Variants in SLC37A3 observed in about 807,000 individuals in gnomAD.
SLC37A3 encodes sugar phosphate exchanger 3.
In SLC37A3, 51 loss-of-function variants were observed where a neutral mutation model predicts 67.1. That is an observed-to-expected ratio of 0.76 (90% CI 0.61 to 0.96). The LOEUF (loss-of-function observed/expected upper bound fraction) is 0.96, where lower values mean the gene tolerates loss of function less well. Among genes scored for constraint, SLC37A3 ranks in the 40% least tolerant of loss-of-function variants. The pLI, the probability that SLC37A3 is intolerant of heterozygous loss-of-function variation, is 0.00. For missense variants in SLC37A3, 508 were observed against 603.0 expected (o/e 0.84, Z 1.65); for synonymous variants, 214 against 231.4 (o/e 0.92, Z 0.68).
At chr7:140,339,264 G>GT (rs748009768) in intron 13 of SLC37A3, among the ~76,000 whole-genome samples, 52,342 of 130,708 alleles carry the variant, frequency 0.4, 10,927 homozygotes, top group Middle Eastern at 0.55. Context: ...TCCCAGTTTT[G>GT]TTTTTTTTTT....
intron 5 of SLC37A3, among the ~76,000 whole-genome samples, chr7:140,362,183 G>C (rs1229814212): frequency 2.1e-5 from 3 of 140,178 alleles, no homozygotes; most frequent in African/African-American, 7.9e-5. Flanking sequence ...TGAGATGTGG[G>C]GAGCGCCTCT....
At chr7:140,356,503 G>A (rs1361013735) in intron 6 of SLC37A3, among the ~76,000 whole-genome samples, 3 of 152,018 alleles carry the variant, frequency 2.0e-5, no homozygotes, top group East Asian at 1.9e-4. Flanking sequence ...CCAACACGGC[G>A]AAACCCCGTC....
intron 4 of SLC37A3, among the ~76,000 whole-genome samples, chr7:140,364,910 G>T (rs1460419297): frequency 6.6e-6 from 1 of 152,144 alleles, no homozygotes; most frequent in Admixed American, 6.5e-5. Context: ...CTACCCATCA[G>T]TGATAAGCTA....
intron 2 of SLC37A3, among the ~76,000 whole-genome samples, chr7:140,380,717 C>T (rs1056212748): frequency 2.0e-5 from 3 of 151,848 alleles, no homozygotes; most frequent in African/African-American, 7.3e-5. Flanking sequence ...CACCTGTCAT[C>T]TTAGCTACTT....
At chr7:140,390,022 A>G (rs1798663556) in intron 1 of SLC37A3, among the ~76,000 whole-genome samples, 1 of 152,128 alleles carries the variant, frequency 6.6e-6, no homozygotes, top group South Asian at 2.1e-4. Flanking sequence ...CCAGGCCTTC[A>G]AGGCTACAGT....
intron 5 of SLC37A3, among the ~76,000 whole-genome samples, chr7:140,361,935 C>T (rs896447333): frequency 1.4e-5 from 2 of 145,882 alleles, no homozygotes; most frequent in Non-Finnish European, 3.0e-5. Context: ...CTTGGCCCCC[C>T]AAAGTGCCGA....
At chr7:140,376,248 C>G (rs1031378910) in intron 3 of SLC37A3, among the ~76,000 whole-genome samples, 1 of 152,102 alleles carries the variant, frequency 6.6e-6, no homozygotes, top group African/African-American at 2.4e-5. Flanking sequence ...GTAGGACTAA[C>G]AAACAGATTC....
At chr7:140,336,309 C>A (rs76966065) in intron 14 of SLC37A3, among the ~76,000 whole-genome samples, 3,753 of 152,284 alleles carry the variant, frequency 0.025, 65 homozygotes, top group Non-Finnish European at 0.032. Context: ...AATCAGGAGG[C>A]TGAGGTGGGA....
intron 7 of SLC37A3, 52 bp downstream of exon 7, chr7:140,355,616 A>C (rs1796991519): frequency 4.8e-6 from 7 of 1,451,088 alleles, no homozygotes; most frequent in Non-Finnish European, 6.8e-6. Flanking sequence ...AGCAATACAC[A>C]TGTGCACACA....
intron 7 of SLC37A3, among the ~76,000 whole-genome samples, chr7:140,352,635 A>G (rs534340847): frequency 6.6e-6 from 1 of 152,332 alleles, no homozygotes; most frequent in Non-Finnish European, 1.5e-5. Context: ...TTGAAGCAGT[A>G]AGACAATGTC....
At chr7:140,360,026 T>C (rs1026174749) in intron 5 of SLC37A3, among the ~76,000 whole-genome samples, 5 of 152,218 alleles carry the variant, frequency 3.3e-5, no homozygotes, top group Non-Finnish European at 5.9e-5. Flanking sequence ...AAAAAGGTTT[T>C]ACTTACACTC....
chr7:140,355,797 A>G (rs955524326), intron 6 of SLC37A3, 33 bp from the exon 7 acceptor site: 3 of 1,583,728 alleles, frequency 1.9e-6, no homozygotes, highest in Non-Finnish European at 2.6e-6. Flanking sequence ...ACAAAGGGCC[A>G]TGGTCAGAAG....
At chr7:140,345,999 T>G (rs779326747) in intron 10 of SLC37A3, 29 bp from the exon 11 acceptor site, 6 of 1,553,604 alleles carry the variant, frequency 3.9e-6, no homozygotes, top group Non-Finnish European at 5.3e-6. Flanking sequence ...GCAATCAAAA[T>G]CACTTCTAAT....
intron 4 of SLC37A3, among the ~76,000 whole-genome samples, chr7:140,367,820 CTTT>C (rs34092614): frequency 1.1e-4 from 14 of 129,986 alleles, no homozygotes; most frequent in Admixed American, 2.4e-4. Context: ...TCCCACCTTC[CTTT>C]TTTTTTTTTT....
rs1280990535 is a variant in SLC37A3 at position 140,337,324 on chromosome 7, T to C, written c.1352A>G (p.Lys451Arg). ...GTAGAAAACCCACATCCATCCTAGCTTGTCCCGGATCAGAGACACTAAATA... is the reference window on the plus strand; with the variant it reads ...GTAGAAAACCCACATCCATCCTAGCCTGTCCCGGATCAGAGACACTAAATA... ...GQYLVSLIRDKLGWMWVFYFF... is the reference protein window; with the variant it reads ...GQYLVSLIRDRLGWMWVFYFF... The change falls in exon 14 of 15, where the codon AAG (lysine) becomes AGG (arginine). Residue 451 changes from lysine (K) to arginine (R), a missense_variant. Transcript: ENST00000326232. 2.5e-6 allele frequency: 4 copies of C among 1,602,146 alleles called. No individual in the cohort carries two copies. In the African/African-American group the frequency reaches 4.0e-5, roughly 16 times the overall value.
At chr7:140,351,682 T>C in intron 8 of SLC37A3, 1 of 576,020 alleles carries the variant, frequency 1.7e-6, no homozygotes, top group South Asian at 2.2e-5. Context: ...TTCATTTGTA[T>C]GTAATCTGTA....
intron 10 of SLC37A3, 189 bp downstream of exon 10, chr7:140,348,437 C>G (rs915106322): frequency 3.2e-6 from 2 of 621,218 alleles, no homozygotes; most frequent in Non-Finnish European, 5.0e-6. Context: ...CTATGGACCT[C>G]TTGTTTTTTC....
rs1585235930 is a variant in SLC37A3 at position 140,335,228 on chromosome 7, G to A, written c.*184C>T. 4 of 1,612,104 alleles carry A rather than the reference G, an allele frequency of 2.5e-6. No individual in the cohort carries two copies. The highest frequency in any genetic ancestry group is 8.5e-7 in the Non-Finnish European group (1 of 1,178,560). On this transcript the variant is annotated 3_prime_UTR_variant, in exon 15 of 15. Coordinates refer to ENST00000326232, the MANE Select transcript of SLC37A3 (RefSeq NM_207113.3). ...GCAAAAATCATCAACAGTAATTCCT[G>A]TAGTGTAGAAAACTAGTGCAGCCTT...
chr7:140,391,509 T>G (rs913095128), intron 1 of SLC37A3, among the ~76,000 whole-genome samples: 1 of 152,180 alleles, frequency 6.6e-6, no homozygotes, highest in Non-Finnish European at 1.5e-5. Flanking sequence ...TGAGCCGAGA[T>G]CAGGCCACTG....
Sources: allele counts gnomAD v4.1 joint callset (sites outside exome capture counted in the v4.1 genomes callset), GRCh38; gene constraint gnomAD v4.1.1; transcripts MANE v1.5; gene names NCBI Gene and HGNC (gene_info 2026-07-23, HGNC 2026-07-21).